The following CDH13 variants were observed in gnomAD, a reference collection of about 807,000 sequenced individuals.
The protein encoded by CDH13 is cadherin-13.
In CDH13, 24 loss-of-function variants were observed where a neutral mutation model predicts 63.8. The ratio of observed to expected loss-of-function variants is 0.38; its 90% CI spans 0.27 to 0.53. The LOEUF (loss-of-function observed/expected upper bound fraction) is 0.53. Among genes scored for constraint, CDH13 ranks in the 20% least tolerant of loss-of-function variants. The pLI is 0.85. For synonymous variants in CDH13, 503 were observed against 355.3 expected, an observed-to-expected ratio of 1.42 and a Z score of -4.67; for missense variants, 1,049 against 903.1, an observed-to-expected ratio of 1.16 and a Z score of -2.07.
At position 82,977,860 on chromosome 16, in the gene CDH13, C is replaced by A. The variant is rs565283371; in HGVS notation, c.158-54150C>A. ...GGCAATTTTGGAACTTCCTAGAGAC[C>A]TGGAAGGCTCAGAAGACAGGAAGAT... On this transcript the variant is annotated intron_variant, in intron 2 of 13. Transcript: ENST00000567109. 5.3e-4 allele frequency among the ~76,000 whole-genome samples: 81 copies of A among 152,216 alleles called. 1 individual carries two copies. Among genetic ancestry groups the A allele is most frequent in the Admixed American group, 1.1e-3 (17 of 15,280 alleles).
At chr16:83,281,989 T>C (rs1490575077) in intron 5 of CDH13, among the ~76,000 whole-genome samples, 4 of 152,164 alleles carry the variant, frequency 2.6e-5, no homozygotes, top group Non-Finnish European at 4.4e-5. Flanking sequence ...GCCATGTGTC[T>C]CTTCTTTTCA....
At chr16:82,945,023 A>G (rs963645182) in intron 2 of CDH13, among the ~76,000 whole-genome samples, 2 of 152,180 alleles carry the variant, frequency 1.3e-5, no homozygotes, top group African/African-American at 4.8e-5. Flanking sequence ...AATTGCTGTC[A>G]TTTTCTTTGA....
At chr16:83,365,198 G>T (rs985505518) in intron 6 of CDH13, among the ~76,000 whole-genome samples, 10 of 152,222 alleles carry the variant, frequency 6.6e-5, no homozygotes, top group African/African-American at 2.4e-4. Flanking sequence ...GAACCAGAGA[G>T]CTGATGGTAT....
At chr16:83,039,657 T>C (rs1917166718) in intron 3 of CDH13, among the ~76,000 whole-genome samples, 2 of 152,306 alleles carry the variant, frequency 1.3e-5, no homozygotes, top group South Asian at 4.1e-4. Context: ...CTCAGCACCC[T>C]GCCCAGTGCC....
chr16:83,362,634 A>G (rs778361481), intron 6 of CDH13, among the ~76,000 whole-genome samples: 3 of 152,202 alleles, frequency 2.0e-5, no homozygotes, highest in Non-Finnish European at 2.9e-5. Context: ...GTCAACACCC[A>G]TAATCAGAGG....
intron 2 of CDH13, among the ~76,000 whole-genome samples, chr16:83,014,336 A>AC (rs1326415843): frequency 5.9e-4 from 89 of 151,642 alleles, no homozygotes; most frequent in Admixed American, 1.6e-3. Context: ...AAAAAAAAAA[A>AC]AAAAAAACTT....
chr16:83,623,699 C>T (rs1175909767), intron 8 of CDH13, among the ~76,000 whole-genome samples: 1 of 152,190 alleles, frequency 6.6e-6, no homozygotes, highest in Non-Finnish European at 1.5e-5. Flanking sequence ...TAACCACGCA[C>T]TGGCCTCTCA....
At position 83,178,063 on chromosome 16, in the gene CDH13, A is replaced by G. The variant is rs987691589; in HGVS notation, c.484-39282A>G. 4.6e-5 allele frequency among the ~76,000 whole-genome samples: 7 copies of G among 152,260 alleles called. No homozygotes were observed. The South Asian group carries it at 1.0e-3, about 23-fold the overall frequency. ...AAAAAATAGTACCAGAACCCCTGAAATCTAGTCCTGTTTAGGTTCACAGCT... is the reference window on the plus strand; with the variant it reads ...AAAAAATAGTACCAGAACCCCTGAAGTCTAGTCCTGTTTAGGTTCACAGCT... On this transcript the variant is annotated intron_variant, in intron 4 of 13. Coordinates refer to ENST00000567109, the MANE Select transcript of CDH13 (RefSeq NM_001257.5).
intron 1 of CDH13, among the ~76,000 whole-genome samples, chr16:82,821,050 G>T (rs1020067919): frequency 6.6e-6 from 1 of 152,128 alleles, no homozygotes; most frequent in African/African-American, 2.4e-5. Flanking sequence ...TGGAAAGCTG[G>T]AGACCAGCTG....
At chr16:83,149,631 G>A (rs1255332018) in intron 4 of CDH13, among the ~76,000 whole-genome samples, 1 of 152,106 alleles carries the variant, frequency 6.6e-6, no homozygotes, top group Admixed American at 6.6e-5. Context: ...TCAAAACAGT[G>A]GGAATAATGA....
At chr16:82,834,415 G>A (rs767726983) in intron 1 of CDH13, among the ~76,000 whole-genome samples, 1 of 152,162 alleles carries the variant, frequency 6.6e-6, no homozygotes, top group African/African-American at 2.4e-5. Flanking sequence ...GGGCCAAGAA[G>A]GAGATCAGGT....
At chr16:83,179,481 T>TAAAAAAAAAAAAAAAAAAAAAAAAAAAAA (rs565547312) in intron 4 of CDH13, among the ~76,000 whole-genome samples, 3 of 69,094 alleles carry the variant, frequency 4.3e-5, no homozygotes, top group East Asian at 3.4e-4. Context: ...CCGTCTCTAC[T>TAAAAAAAAAAAAAAAAAAAAAAAAAAAAA]AAAAAAAAAA....
At chr16:83,667,127 GGA>G (rs1914056663) in intron 8 of CDH13, among the ~76,000 whole-genome samples, 1 of 144,752 alleles carries the variant, frequency 6.9e-6, no homozygotes, top group Non-Finnish European at 1.5e-5. Context: ...ATGGATGGAT[GGA>G]TAAATAGATA....
At chr16:82,695,948 T>C (rs965797163) in intron 1 of CDH13, among the ~76,000 whole-genome samples, 1 of 151,806 alleles carries the variant, frequency 6.6e-6, no homozygotes, top group Non-Finnish European at 1.5e-5. Context: ...GCCTGCCAAA[T>C]GTATTCCTTA....
chr16:83,226,597 C>G (rs1402117778), intron 5 of CDH13, among the ~76,000 whole-genome samples: 3 of 152,142 alleles, frequency 2.0e-5, no homozygotes, highest in African/African-American at 7.2e-5. Context: ...CTAACTACAA[C>G]CAGGTCTACT....
rs533891985 is a variant in CDH13, at chr16:82,687,099, T to G, written c.45+59962T>G. Among the ~76,000 whole-genome samples, 5 of 152,256 alleles carry G rather than the reference T, an allele frequency of 3.3e-5. No homozygotes were observed. The South Asian group carries it at 8.3e-4, about 25-fold the overall frequency. ...GGGAATGGAACTGAGTCTTACCCATTACGTTTAGGATTTCAGGGCTGCAGG... is the reference window on the plus strand; with the variant it reads ...GGGAATGGAACTGAGTCTTACCCATGACGTTTAGGATTTCAGGGCTGCAGG... On this transcript the variant is annotated intron_variant, in intron 1 of 13. Transcript: ENST00000567109.
At chr16:83,511,066 G>T (rs200994750) in intron 7 of CDH13, among the ~76,000 whole-genome samples, 1 of 77,072 alleles carries the variant, frequency 1.3e-5, no homozygotes, top group Non-Finnish European at 2.5e-5. Context: ...ACACAGACAC[G>T]CACACACATG....
intron 5 of CDH13, among the ~76,000 whole-genome samples, chr16:83,278,052 A>T (rs2089047711): frequency 6.6e-6 from 1 of 152,190 alleles, no homozygotes; most frequent in Non-Finnish European, 1.5e-5. Flanking sequence ...TTCTCCAAGA[A>T]GGCCAAGGTG....
intron 7 of CDH13, among the ~76,000 whole-genome samples, chr16:83,521,047 C>T (rs573617065): frequency 1.3e-5 from 2 of 152,246 alleles, no homozygotes; most frequent in South Asian, 4.2e-4. Flanking sequence ...CTAATATATA[C>T]TTCATGTGCT....
Sources: allele counts gnomAD v4.1 joint callset (sites outside exome capture counted in the v4.1 genomes callset), GRCh38; gene constraint gnomAD v4.1.1; transcripts MANE v1.5; gene names NCBI Gene and HGNC (gene_info 2026-07-23, HGNC 2026-07-21).